Variants in ZACN observed in about 807,000 individuals in gnomAD.
ZACN encodes ligand-gated cation channel ZACN.
Under a neutral mutation model 38.9 loss-of-function variants are expected in ZACN, and 52 were observed. The observed-to-expected ratio is 1.34, with a 90% CI of 1.07 to 1.68. ZACN has a LOEUF of 1.68. Among genes scored for constraint, ZACN ranks in the 40% most tolerant of loss-of-function variants. The probability of loss-of-function intolerance (pLI) is 0.00; values close to 1 mark genes in which losing one functional copy is unlikely to be tolerated. For missense variants in ZACN, 559 were observed against 525.6 expected (o/e 1.06, Z -0.62); for synonymous variants, 235 against 227.4 (o/e 1.03, Z -0.30).
At position 76,082,480 on chromosome 17, in the gene ZACN, AAGGGGTCAC is replaced by A; in HGVS notation, c.1069_1077del (p.Gly357_Gln359del). The A allele has an allele frequency of 6.2e-7, 1 of 1,612,696 alleles. No homozygotes were observed. Among genetic ancestry groups the A allele is most frequent in the Non-Finnish European group, 8.5e-7 (1 of 1,179,352 alleles). ...CCCCACAGAGCCCTCCAGAGGAGTA[AAGGGGTCAC>A]AGAGAAGCTGGCCTGAGACTGCTGA... On this transcript the variant is annotated inframe_deletion, in exon 9 of 9. Coordinates refer to ENST00000334586, the MANE Select transcript of ZACN (RefSeq NM_180990.4).
rs2066918544 is a variant in ZACN at position 76,079,572 on chromosome 17, C to T, written c.222+9C>T. On this transcript the variant is annotated intron_variant, in intron 2 of 8. Coordinates refer to ENST00000334586, the MANE Select transcript of ZACN (RefSeq NM_180990.4). The stretch of plus-strand genomic sequence containing the variant: ...CCAACGTGTTTAATGTGGTAAGTGC[C>T]TCTAGGCCAAGGGCCCCAAGTGCTG... 3 of 1,614,206 alleles carry T rather than the reference C, an allele frequency of 1.9e-6. No individual in the cohort carries two copies. The highest frequency in any genetic ancestry group is 1.7e-6 in the Non-Finnish European group (2 of 1,180,018).
rs148442220 is a variant in ZACN, at chr17:76,079,947, G to A, written c.327G>A (p.Thr109=). The A allele has an allele frequency of 1.9e-4, 303 of 1,599,696 alleles. No homozygotes were observed. The highest frequency in any genetic ancestry group is 2.4e-4 in the Non-Finnish European group (285 of 1,173,440). ...GTGCACACCCGCGGCACGCCATCACGCTGCCCTGGGAGTCTCTCTGGACAC... is the reference window on the plus strand; with the variant it reads ...GTGCACACCCGCGGCACGCCATCACACTGCCCTGGGAGTCTCTCTGGACAC... ...NTSAHPRHAI[T]LPWESLWTPR... The change falls in exon 4 of 9, where the codon ACG becomes ACA. Residue 109 remains threonine, a synonymous_variant. Transcript: ENST00000334586.
rs747372789 is a variant in ZACN, at chr17:76,081,729, GCTC to G, written c.863_865del (p.Ser288del). On this transcript the variant is annotated inframe_deletion, in exon 7 of 9. Transcript: ENST00000334586. ...TCCTCCCTGGTGCAGGCCCTGCCCA[GCTC>G]CTCCTCCTGCAACCCACTGCTCAGT... 4.3e-6 allele frequency: 7 copies of G among 1,613,932 alleles called. No homozygotes were observed. Among genetic ancestry groups the G allele is most frequent in the Non-Finnish European group, 5.9e-6 (7 of 1,179,980 alleles).
Position 76,081,677 on chromosome 17 carries a change from T to C in ZACN, c.802T>C (p.Leu268=), listed in dbSNP as rs755330617. ...TGAGCGCATAGGCTACAAGGTGACA[T>C]TGCTGCTGAGTTACCTCGTCCTCCA... is the stretch of plus-strand genomic sequence containing the variant. The part of the protein sequence containing the change: ...AIERIGYKVT[L]LLSYLVLHSS... The change falls in exon 7 of 9, where the codon TTG becomes CTG. Residue 268 remains leucine, a synonymous_variant. Coordinates refer to ENST00000334586, the MANE Select transcript of ZACN (RefSeq NM_180990.4). The C allele has an allele frequency of 1.9e-6, 3 of 1,614,112 alleles. No individual in the cohort carries two copies. The highest frequency in any genetic ancestry group is 2.2e-5 in the East Asian group (1 of 44,886).
chr17:76,082,344 C>CATCAGCTGAGAATCTAA, intron 8 of ZACN, 119 bp from the exon 9 acceptor site: 1 of 1,149,222 alleles, frequency 8.7e-7, no homozygotes, highest in Non-Finnish European at 1.2e-6. Context: ...CCCAAATTTT[C>CATCAGCTGAGAATCTAA]ATCAGCTGAG....
At chr17:76,080,057 C>A in intron 4 of ZACN, 63 bp downstream of exon 4, 1 of 1,516,240 alleles carries the variant, frequency 6.6e-7, no homozygotes, top group East Asian at 2.5e-5. Context: ...CCCCCATCTA[C>A]AACCTAGAGG....
chr17:76,079,994 C>T lies in ZACN; in HGVS notation c.374C>T (p.Ala125Val), dbSNP rs762934534. Reference protein sequence around the residue: ...LWTPRLTILEALWVDWRDQSP... With the variant: ...LWTPRLTILEVLWVDWRDQSP... ...ACACCAAGGCTCACCATCCTGGAGG[C>T]GTAAGTGAGACAGTTCCTGCCCCAG... Residue 125 changes from alanine (A) to valine (V), a missense_variant and splice_region_variant, in exon 4 of 9, where the codon GCG (alanine) becomes GTG (valine). Ala to Val is a moderately conservative substitution (Grantham distance 64). Transcript: ENST00000334586. 8.9e-6 allele frequency: 14 copies of T among 1,573,072 alleles called. No individual in the cohort carries two copies. The African/African-American group carries it at 9.5e-5, about 11-fold the overall frequency.
In ZACN at chr17:76,079,496, T is replaced by A; in HGVS notation, c.155T>A (p.Ile52Asn). The change falls in exon 2 of 9, where the codon ATC becomes AAC. Residue 52 changes from isoleucine to asparagine, a missense_variant. Coordinates refer to ENST00000334586, the MANE Select transcript of ZACN (RefSeq NM_180990.4). The stretch of plus-strand genomic sequence containing the variant: ...AAGAAGGTTCAGGAAAGCATCCAGA[T>A]CCCGAACAATGGGAGTGCGCCCCTG... ...LSKKVQESIQ[I>N]PNNGSAPLLV... 6.2e-7 allele frequency: 1 copy of A among 1,614,148 alleles called. No individual in the cohort carries two copies.
rs183586768 is a variant in ZACN, at chr17:76,080,551, G to A, written c.544+127G>A. 15 of 1,332,732 alleles carry A rather than the reference G, an allele frequency of 1.1e-5. No individual in the cohort carries two copies. The East Asian group carries it at 1.7e-4, about 16-fold the overall frequency. The allele number at this position is 1,332,732 out of a possible 1,614,324, so 82.6% of individuals were successfully genotyped here. On this transcript the variant is annotated intron_variant, in intron 5 of 8. Coordinates refer to ENST00000334586, the MANE Select transcript of ZACN (RefSeq NM_180990.4). ...GAAGGGGCAAAGGCAGACAGAAGGCGAACTCCCAGGTCTGTGTTCAGAGCA... is the reference window on the plus strand; with the variant it reads ...GAAGGGGCAAAGGCAGACAGAAGGCAAACTCCCAGGTCTGTGTTCAGAGCA...
intron 5 of ZACN, 79 bp downstream of exon 5, chr17:76,080,503 A>T: frequency 6.7e-6 from 10 of 1,501,708 alleles, no homozygotes; most frequent in Non-Finnish European, 9.1e-6. Context: ...TCTGTGGTGC[A>T]GGGGCAGGGT....
intron 5 of ZACN, 159 bp from the exon 6 acceptor site, chr17:76,081,119 G>C: frequency 1.0e-6 from 1 of 984,146 alleles, no homozygotes; most frequent in Non-Finnish European, 1.5e-6. Context: ...GCAAAACAAG[G>C]TTTGGGAAGC....
intron 6 of ZACN, 63 bp from the exon 7 acceptor site, chr17:76,081,482 C>T (rs972233197): frequency 6.8e-5 from 110 of 1,610,170 alleles, no homozygotes; most frequent in Non-Finnish European, 9.0e-5. Context: ...AGGCCAGGCC[C>T]CATGCCCCCG....
intron 5 of ZACN, chr17:76,080,770 C>T (rs1185743680): frequency 2.0e-6 from 1 of 494,046 alleles, no homozygotes; most frequent in Admixed American, 2.3e-5. Context: ...AACTGCCCTC[C>T]ACAGCCATGG....
At position 76,079,215 on chromosome 17, in the gene ZACN, G is replaced by A. The variant is rs2066913777; in HGVS notation, c.-50G>A. 1 of 1,530,694 alleles carries A rather than the reference G, an allele frequency of 6.5e-7. No individual in the cohort carries two copies. Among genetic ancestry groups the A allele is most frequent in the Admixed American group, 1.9e-5 (1 of 51,528 alleles). The allele number at this position is 1,530,694 out of a possible 1,614,324, so 94.8% of individuals were successfully genotyped here. On this transcript the variant is annotated 5_prime_UTR_variant, in exon 1 of 9. Coordinates refer to ENST00000334586, the MANE Select transcript of ZACN (RefSeq NM_180990.4). Reference sequence around the variant, plus strand: ...AGCTGCCAGAGAAGTGACTGGAATAGAGGTTGTAGCTTAGGCACCGCTGCT... The same window carrying A: ...AGCTGCCAGAGAAGTGACTGGAATAAAGGTTGTAGCTTAGGCACCGCTGCT...
At chr17:76,079,405 G>A (rs1220762912) in intron 1 of ZACN, 34 bp from the exon 2 acceptor site, 1 of 1,613,982 alleles carries the variant, frequency 6.2e-7, no homozygotes, top group South Asian at 1.1e-5. Context: ...TTGGGCCCTA[G>A]GGCACCTGAG....
At chr17:76,080,699 T>G in intron 5 of ZACN, 2 of 582,522 alleles carry the variant, frequency 3.4e-6, no homozygotes, top group Non-Finnish European at 6.5e-6. Context: ...GACTCAAACA[T>G]TCGCAGCAGC....
chr17:76,079,245 C>G lies in ZACN; in HGVS notation c.-20C>G. 1 of 1,602,962 alleles carries G rather than the reference C, an allele frequency of 6.2e-7. No individual in the cohort carries two copies. Among genetic ancestry groups the G allele is most frequent in the Non-Finnish European group, 8.5e-7 (1 of 1,172,706 alleles). On this transcript the variant is annotated 5_prime_UTR_variant, in exon 1 of 9. Coordinates refer to ENST00000334586, the MANE Select transcript of ZACN (RefSeq NM_180990.4). Reference sequence around the variant, plus strand: ...TGTAGCTTAGGCACCGCTGCTCCCTCCAGTCCCTCCGTGCAGCCGATGATG... The same window carrying G: ...TGTAGCTTAGGCACCGCTGCTCCCTGCAGTCCCTCCGTGCAGCCGATGATG...
intron 4 of ZACN, 44 bp from the exon 5 acceptor site, chr17:76,080,211 C>T (rs1567944395): frequency 1.3e-6 from 2 of 1,574,486 alleles, no homozygotes; most frequent in East Asian, 4.5e-5. Flanking sequence ...CCGGCCCCGT[C>T]CAAGAAGGGG....
At chr17:76,080,509 A>T in intron 5 of ZACN, 85 bp downstream of exon 5, 72 of 1,431,278 alleles carry the variant, frequency 5.0e-5, no homozygotes, top group Non-Finnish European at 6.4e-5. Context: ...GTGCAGGGGC[A>T]GGGTGCGGGG....
Sources: allele counts gnomAD v4.1 joint callset, GRCh38; gene constraint gnomAD v4.1.1; transcripts MANE v1.5; gene names NCBI Gene and HGNC (gene_info 2026-07-23, HGNC 2026-07-21).